The following MANEA variants were observed in gnomAD, a reference collection of about 807,000 sequenced individuals.
MANEA encodes the protein glycoprotein endo-alpha-1,2-mannosidase.
A neutral mutation model predicts 36.8 loss-of-function variants in MANEA; 25 were observed. The ratio of observed to expected loss-of-function variants is 0.68; its 90% confidence interval spans 0.50 to 0.95. The LOEUF is 0.95. Ranked by LOEUF, MANEA falls within the 40% of genes least tolerant of loss-of-function variation. The pLI, the probability that MANEA is intolerant of heterozygous loss-of-function variation, is 0.00. For synonymous variants in MANEA, 198 were observed against 188.5 expected (o/e 1.05, Z -0.41); for missense variants, 565 against 558.8 (o/e 1.01, Z -0.11).
chr6:95,589,470 TGGTTGGCATAA>T (rs1182328229), intron 2 of MANEA, among the ~76,000 whole-genome samples: 2 of 152,190 alleles, frequency 1.3e-5, no homozygotes, highest in East Asian at 3.8e-4. Context: ...CAATTAAGTG[TGGTTGGCATAA>T]ATCCTAATGG....
intron 1 of MANEA, among the ~76,000 whole-genome samples, chr6:95,586,029 A>T (rs1375532408): frequency 6.6e-6 from 1 of 152,200 alleles, no homozygotes; most frequent in African/African-American, 2.4e-5. Flanking sequence ...TTTAAACAGA[A>T]TTTTAGTTCA....
Position 95,577,576 on chromosome 6 carries a change from A to C in MANEA, c.-101A>C, listed in dbSNP as rs954174591. On this transcript the variant is annotated 5_prime_UTR_variant, in exon 1 of 5. An upstream start codon of the reference 5' UTR is lost. Transcript: ENST00000358812. Reference sequence around the variant, plus strand: ...TCGGGGCGCGGCGGCAGTCAGCTCTATGTTCGCGGTCTTAACCTCTCCTCT... The same window carrying C: ...TCGGGGCGCGGCGGCAGTCAGCTCTCTGTTCGCGGTCTTAACCTCTCCTCT... The C allele has an allele frequency of 6.6e-6, 1 of 152,378 alleles. No homozygotes were observed. Among genetic ancestry groups the C allele is most frequent in the Non-Finnish European group, 1.5e-5 (1 of 68,218 alleles). 9.4% of individuals were successfully genotyped at this position (152,378 alleles called of 1,614,324 possible).
intron 3 of MANEA, among the ~76,000 whole-genome samples, chr6:95,604,061 G>GGGGGGTGTGTGTGT (rs369467389): frequency 1.4e-5 from 2 of 138,320 alleles, no homozygotes; most frequent in Non-Finnish European, 3.1e-5. Context: ...TATGTATGTA[G>GGGGGGTGTGTGTGT]GTGTGTGTGT....
chr6:95,605,690 G>A (rs759539692), intron 4 of MANEA, 58 bp from the exon 5 acceptor site: 1 of 1,337,768 alleles, frequency 7.5e-7, no homozygotes, highest in Non-Finnish European at 1.1e-6. Flanking sequence ...AACAGTTTTT[G>A]TCTGTGGCAA....
chr6:95,594,056 G>A (rs190288418), intron 2 of MANEA, among the ~76,000 whole-genome samples: 29 of 150,748 alleles, frequency 1.9e-4, no homozygotes, highest in African/African-American at 5.4e-4. Flanking sequence ...GCAAGATTCC[G>A]TCTCAAAAAA....
chr6:95,594,314 T>G (rs2127942101), intron 2 of MANEA, among the ~76,000 whole-genome samples: 1 of 152,308 alleles, frequency 6.6e-6, no homozygotes, highest in Non-Finnish European at 1.5e-5. Flanking sequence ...TTGCCCTTAG[T>G]TCATGTAGCT....
chr6:95,579,574 A>G (rs1769142715), intron 1 of MANEA, among the ~76,000 whole-genome samples: 1 of 152,120 alleles, frequency 6.6e-6, no homozygotes, highest in Non-Finnish European at 1.5e-5. Flanking sequence ...GAAGAAAACA[A>G]TATATTTTTT....
chr6:95,581,568 C>G (rs902039385), intron 1 of MANEA, among the ~76,000 whole-genome samples: 16 of 152,098 alleles, frequency 1.1e-4, no homozygotes, highest in Non-Finnish European at 2.1e-4. Flanking sequence ...ATTACTGTTT[C>G]AAATTGTCTT....
intron 2 of MANEA, among the ~76,000 whole-genome samples, chr6:95,591,954 G>A (rs1205061164): frequency 6.6e-6 from 1 of 152,046 alleles, no homozygotes; most frequent in Non-Finnish European, 1.5e-5. Context: ...CACCTGCCTG[G>A]GCCTCCCAAA....
intron 4 of MANEA, among the ~76,000 whole-genome samples, chr6:95,605,403 G>C (rs1769684694): frequency 1.3e-5 from 2 of 152,046 alleles, no homozygotes; most frequent in African/African-American, 4.8e-5. Context: ...AAACTTGTCA[G>C]CAACAGTAGA....
In MANEA at chr6:95,608,766, T is replaced by A. The variant is rs576459888; in HGVS notation, c.*2361T>A. 2 of 151,972 alleles carry A rather than the reference T, an allele frequency of 1.3e-5. No individual in the cohort carries two copies. Among genetic ancestry groups the A allele is most frequent in the African/African-American group, 4.8e-5 (2 of 41,536 alleles). 9.4% of individuals were successfully genotyped at this position (151,972 alleles called of 1,614,324 possible). The stretch of plus-strand genomic sequence containing the variant: ...CTCAAGTCCCTGATATAAACTGGCA[T>A]AGTAGTTGCATATAATCTATGCACA... On this transcript the variant is annotated 3_prime_UTR_variant, in exon 5 of 5. Coordinates refer to ENST00000358812, the MANE Select transcript of MANEA (RefSeq NM_024641.4).
chr6:95,584,498 A>C (rs1420781974), intron 1 of MANEA, among the ~76,000 whole-genome samples: 4 of 152,134 alleles, frequency 2.6e-5, no homozygotes, highest in Non-Finnish European at 5.9e-5. Flanking sequence ...GGTGAATTTG[A>C]GGTCAGACTG....
rs574854595 is a variant in MANEA at position 95,586,120 on chromosome 6, A to G, written c.-38-282A>G. Among the ~76,000 whole-genome samples, 4 of 152,352 alleles carry G rather than the reference A, an allele frequency of 2.6e-5. No homozygotes were observed. In the South Asian group the frequency reaches 8.3e-4, roughly 32 times the overall value. On this transcript the variant is annotated intron_variant, in intron 1 of 4. Coordinates refer to ENST00000358812, the MANE Select transcript of MANEA (RefSeq NM_024641.4). ...TGAAAAACATATTTTAATTTCTTAA[A>G]TAAAATTTCCTAAAGGTTCGTCTGA...
chr6:95,597,649 A>T (rs1769505529), intron 3 of MANEA, among the ~76,000 whole-genome samples: 7 of 152,094 alleles, frequency 4.6e-5, no homozygotes, highest in African/African-American at 1.7e-4. Flanking sequence ...TTTAGAAAGT[A>T]TAAAATTATT....
chr6:95,599,694 T>C (rs1769552843), intron 3 of MANEA, among the ~76,000 whole-genome samples: 1 of 152,212 alleles, frequency 6.6e-6, no homozygotes. Context: ...TATTGGAGAA[T>C]AGAAATGGAA....
In MANEA at chr6:95,607,116, G is replaced by A. The variant is rs1403334863; in HGVS notation, c.*711G>A. ...GCAGATTTGTGGTTACCTATACCAC[G>A]CTAGGTGTTTTGACATGTTTAGTGT... On this transcript the variant is annotated 3_prime_UTR_variant, in exon 5 of 5. Coordinates refer to ENST00000358812, the MANE Select transcript of MANEA (RefSeq NM_024641.4). 1 of 152,010 alleles carries A rather than the reference G, an allele frequency of 6.6e-6. No homozygotes were observed. Among genetic ancestry groups the A allele is most frequent in the African/African-American group, 2.4e-5 (1 of 41,416 alleles). The allele number at this position is 152,010 out of a possible 1,614,324, so 9.4% of individuals were successfully genotyped here.
intron 2 of MANEA, among the ~76,000 whole-genome samples, chr6:95,589,053 T>C (rs1582222623): frequency 6.6e-6 from 1 of 152,072 alleles, no homozygotes; most frequent in African/African-American, 2.4e-5. Flanking sequence ...GATGCAAATA[T>C]TTTACTTTTT....
At chr6:95,601,356 A>G (rs1296641503) in intron 3 of MANEA, among the ~76,000 whole-genome samples, 1 of 152,180 alleles carries the variant, frequency 6.6e-6, no homozygotes, top group African/African-American at 2.4e-5. Context: ...CTGCATGCAA[A>G]GAGTAAGTAT....
rs1769760563 is a variant in MANEA at position 95,608,582 on chromosome 6, A to C, written c.*2177A>C. Reference sequence around the variant, plus strand: ...AAGCAGATTCTGTCTTCATTGCAAAAAGTTATTCTCAATGGAAGAATGGCA... The same window carrying C: ...AAGCAGATTCTGTCTTCATTGCAAACAGTTATTCTCAATGGAAGAATGGCA... On this transcript the variant is annotated 3_prime_UTR_variant, in exon 5 of 5. Coordinates refer to ENST00000358812, the MANE Select transcript of MANEA (RefSeq NM_024641.4). The C allele has an allele frequency of 6.6e-6, 1 of 151,800 alleles. No homozygotes were observed. Among genetic ancestry groups the C allele is most frequent in the Non-Finnish European group, 1.5e-5 (1 of 67,736 alleles). 9.4% of individuals were successfully genotyped at this position (151,800 alleles called of 1,614,324 possible). A position where few individuals can be genotyped will look rare whatever the true frequency, so the allele number is the denominator to read the frequency against.
Sources: gnomAD v4.1 joint callset for allele counts (sites outside exome capture counted in the v4.1 genomes callset) on GRCh38, gnomAD v4.1.1 for gene constraint, MANE v1.5 for transcripts, NCBI Gene and HGNC (gene_info 2026-07-23, HGNC 2026-07-21) for gene names.